ESPNL: variants seen among roughly 807,000 people sequenced by gnomAD.
ESPNL encodes the protein espin-like protein.
In ESPNL, 49 loss-of-function variants were observed where a neutral mutation model predicts 46.8. The ratio of observed to expected loss-of-function variants is 1.05; its 90% confidence interval spans 0.83 to 1.33. The LOEUF (loss-of-function observed/expected upper bound fraction) is 1.33. Among genes scored for constraint, ESPNL ranks in the 40% most tolerant of loss-of-function variants. The probability of loss-of-function intolerance (pLI) is 0.00; values close to 1 mark genes in which losing one functional copy is unlikely to be tolerated. For missense variants in ESPNL, 1,540 were observed against 1,436.6 expected, an observed-to-expected ratio of 1.07 and a Z score of -1.16; for synonymous variants, 664 against 662.1, an observed-to-expected ratio of 1.00 and a Z score of -0.04.
intron 2 of ESPNL, among the ~76,000 whole-genome samples, chr2:238,104,050 G>A (rs779267779): frequency 6.6e-6 from 1 of 152,180 alleles, no homozygotes; most frequent in Non-Finnish European, 1.5e-5. Flanking sequence ...TATCAGAAGT[G>A]GGGAGCAGGT....
intron 2 of ESPNL, 151 bp downstream of exon 2, chr2:238,102,282 G>C (rs1383485749): frequency 1.4e-6 from 1 of 713,030 alleles, no homozygotes; most frequent in Non-Finnish European, 2.3e-6. Context: ...GAGCTGGCAG[G>C]AGCCAAGGGC....
chr2:238,125,495 A>T, intron 6 of ESPNL, 111 bp downstream of exon 6: 1 of 508,164 alleles, frequency 2.0e-6, no homozygotes. Flanking sequence ...GCAGCCGGGC[A>T]CCCCATCACC....
Position 238,131,536 on chromosome 2 carries a change from G to T in ESPNL, c.2822G>T (p.Arg941Leu), listed in dbSNP as rs143407493. The T allele has an allele frequency of 1.2e-6, 2 of 1,611,104 alleles. No homozygotes were observed. The highest frequency in any genetic ancestry group is 1.7e-6 in the Non-Finnish European group (2 of 1,179,124). ...QRPAWDTEPG[R>L]KSGLTLLGPL... is the part of the protein sequence containing the mutation. ...CCCGCCTGGGATACGGAGCCTGGCC[G>T]CAAGTCAGGTCTGACCCTGCTCGGG... Residue 941 changes from arginine (R) to leucine (L), a missense_variant, in exon 9 of 9, where the codon CGC becomes CTC. Physicochemically the swap from Arg to Leu is moderately radical, Grantham distance 102. Transcript: ENST00000343063.
At chr2:238,118,844 G>A (rs1379391114) in intron 5 of ESPNL, among the ~76,000 whole-genome samples, 50 of 129,512 alleles carry the variant, frequency 3.9e-4, no homozygotes, top group African/African-American at 7.4e-4. Flanking sequence ...AGGGTGGAAG[G>A]AAGAGGGTGG....
At chr2:238,123,722 C>G (rs905468024) in intron 5 of ESPNL, among the ~76,000 whole-genome samples, 11 of 152,334 alleles carry the variant, frequency 7.2e-5, no homozygotes, top group African/African-American at 2.4e-4. Context: ...CTCTGCAGTT[C>G]GCGTCTGAGG....
rs144532909 is a variant in ESPNL, at chr2:238,101,901, G to C, written c.295-40G>C. The stretch of plus-strand genomic sequence containing the variant: ...CTCCGGCAGCTGGCTCTGACCTCAC[G>C]GCCTACCCCCCACTCACTGACCTAC... On this transcript the variant is annotated intron_variant, in intron 1 of 8. Coordinates refer to ENST00000343063, the MANE Select transcript of ESPNL (RefSeq NM_194312.4). The C allele has an allele frequency of 1.2e-5, 19 of 1,523,492 alleles. No individual in the cohort carries two copies. The South Asian group carries it at 2.2e-4, about 18-fold the overall frequency. The allele number at this position is 1,523,492 out of a possible 1,614,324, so 94.4% of individuals were successfully genotyped here. A position where few individuals can be genotyped will look rare whatever the true frequency, so the allele number is the denominator to read the frequency against.
intron 3 of ESPNL, among the ~76,000 whole-genome samples, chr2:238,105,192 G>A (rs962787670): frequency 2.0e-5 from 3 of 152,068 alleles, no homozygotes; most frequent in Admixed American, 6.6e-5. Context: ...TGCCCAGTTT[G>A]GGCCACTCGA....
rs1392306964 is a variant in ESPNL, at chr2:238,132,782, C to T, written c.*1050C>T. On this transcript the variant is annotated 3_prime_UTR_variant, in exon 9 of 9. Coordinates refer to ENST00000343063, the MANE Select transcript of ESPNL (RefSeq NM_194312.4). ...CCAGGAGAATGGGTCATCACCCAGG[C>T]TCTGGGGCTGAGGAGGGCTGGGCCC... 1.3e-5 allele frequency: 2 copies of T among 152,394 alleles called. No homozygotes were observed. Among genetic ancestry groups the T allele is most frequent in the African/African-American group, 2.4e-5 (1 of 41,462 alleles). The allele number at this position is 152,394 out of a possible 1,614,324, so 9.4% of individuals were successfully genotyped here. A position where few individuals can be genotyped will look rare whatever the true frequency, so the allele number is the denominator to read the frequency against.
intron 2 of ESPNL, among the ~76,000 whole-genome samples, chr2:238,103,666 G>C (rs947166640): frequency 3.3e-5 from 5 of 152,168 alleles, no homozygotes; most frequent in Non-Finnish European, 7.3e-5. Context: ...TCCAACCCTG[G>C]ATGCAGTCAA....
rs1692361479 is a variant in ESPNL at position 238,132,354 on chromosome 2, C to G, written c.*622C>G. The G allele has an allele frequency of 6.5e-6, 1 of 152,792 alleles. No homozygotes were observed. The highest frequency in any genetic ancestry group is 1.5e-5 in the Non-Finnish European group (1 of 68,382). The allele number at this position is 152,792 out of a possible 1,614,324, so 9.5% of individuals were successfully genotyped here. A position where few individuals can be genotyped will look rare whatever the true frequency, so the allele number is the denominator to read the frequency against. ...GGGTGCTCCGGAGGCCCTGCTTCCT[C>G]AAAGGAGGCTCCCCATGGGGCCCCT... On this transcript the variant is annotated 3_prime_UTR_variant, in exon 9 of 9. Coordinates refer to ENST00000343063, the MANE Select transcript of ESPNL (RefSeq NM_194312.4).
chr2:238,100,473 G>T lies in ESPNL; in HGVS notation c.54G>T (p.Leu18Phe). The T allele has an allele frequency of 6.2e-7, 1 of 1,604,376 alleles. No individual in the cohort carries two copies. Among genetic ancestry groups the T allele is most frequent in the South Asian group, 1.1e-5 (1 of 89,326 alleles). ...CCAAGGATGGGGATGTGGCGACGTTGGAGCGGCTGCTGGAGGCTGGCGCCC... is the reference window on the plus strand; with the variant it reads ...CCAAGGATGGGGATGTGGCGACGTTTGAGCGGCTGCTGGAGGCTGGCGCCC... The part of the protein sequence containing the change: ...VAAKDGDVAT[L>F]ERLLEAGALG... Residue 18 changes from leucine (L) to phenylalanine (F), a missense_variant, in exon 1 of 9, where the codon TTG becomes TTT. Coordinates refer to ENST00000343063, the MANE Select transcript of ESPNL (RefSeq NM_194312.4).
chr2:238,115,076 G>C (rs1691787430), intron 4 of ESPNL, among the ~76,000 whole-genome samples: 1 of 152,162 alleles, frequency 6.6e-6, no homozygotes, highest in South Asian at 2.1e-4. Context: ...CGGTCTTGCG[G>C]TGGTTCTGGC....
chr2:238,100,524 G>C lies in ESPNL; in HGVS notation c.105G>C (p.Leu35=). The change falls in exon 1 of 9, where the codon CTG becomes CTC. Residue 35 remains leucine (L), a synonymous_variant. Transcript: ENST00000343063. ...TGGGCCCGGGCATCACCGATGCTCT[G>C]GGGGCCGGCCTGGTTCACCACGCCA... ...GALGPGITDA[L]GAGLVHHATR... 1 of 1,595,866 alleles carries C rather than the reference G, an allele frequency of 6.3e-7. No individual in the cohort carries two copies. Among genetic ancestry groups the C allele is most frequent in the East Asian group, 2.3e-5 (1 of 44,122 alleles).
At chr2:238,109,219 G>A (rs771587467) in intron 4 of ESPNL, among the ~76,000 whole-genome samples, 1 of 152,162 alleles carries the variant, frequency 6.6e-6, no homozygotes, top group Non-Finnish European at 1.5e-5. Flanking sequence ...CTGGCCAGGG[G>A]TTTTTAAGCT....
At chr2:238,110,874 C>A (rs1691702417) in intron 4 of ESPNL, among the ~76,000 whole-genome samples, 1 of 152,158 alleles carries the variant, frequency 6.6e-6, no homozygotes, top group African/African-American at 2.4e-5. Flanking sequence ...ATGAGTTGAT[C>A]CTCCAGCAGC....
chr2:238,127,770 G>A (rs777440984), intron 7 of ESPNL, 36 bp downstream of exon 7: 1 of 1,541,138 alleles, frequency 6.5e-7, no homozygotes, highest in East Asian at 2.3e-5. Context: ...GTCTCCCGGG[G>A]CCCCTAGCCA....
intron 4 of ESPNL, 26 bp downstream of exon 4, chr2:238,107,999 G>C: frequency 6.3e-7 from 1 of 1,590,914 alleles, no homozygotes; most frequent in South Asian, 1.1e-5. Context: ...GGGAGACAGG[G>C]TGAGCAGTCA....
chr2:238,129,447 G>A (rs548994493), intron 8 of ESPNL, among the ~76,000 whole-genome samples: 35 of 152,170 alleles, frequency 2.3e-4, no homozygotes, highest in Non-Finnish European at 4.7e-4. Flanking sequence ...CGGGCTGGCC[G>A]GGGGAGGAGC....
chr2:238,127,648 G>T lies in ESPNL; in HGVS notation c.1129G>T (p.Gly377Cys). The T allele has an allele frequency of 6.2e-7, 1 of 1,610,780 alleles. No individual in the cohort carries two copies. Among genetic ancestry groups the T allele is most frequent in the Non-Finnish European group, 8.5e-7 (1 of 1,178,878 alleles). The change falls in exon 7 of 9, where the codon GGC becomes TGC. Residue 377 changes from glycine (G) to cysteine (C), a missense_variant. Coordinates refer to ENST00000343063, the MANE Select transcript of ESPNL (RefSeq NM_194312.4). ...CATGTCCCTCAGCCCGGCCTGGCCT[G>T]GCCATCCTGACCAGCCTCTTCCCAG... ...SPMSLSPAWP[G>C]HPDQPLPREQ...
Sources: gnomAD v4.1 joint callset for allele counts (sites outside exome capture counted in the v4.1 genomes callset) on GRCh38, gnomAD v4.1.1 for gene constraint, MANE v1.5 for transcripts, NCBI Gene and HGNC (gene_info 2026-07-23, HGNC 2026-07-21) for gene names.